RUNX1: variants seen among roughly 807,000 people sequenced by gnomAD.
The protein encoded by RUNX1 is runt-related transcription factor 1.
Under a neutral mutation model 42.8 loss-of-function variants are expected in RUNX1, and 19 were observed. The ratio of observed to expected loss-of-function variants is 0.44; its 90% CI spans 0.31 to 0.65. The LOEUF is 0.65. Among genes scored for constraint, RUNX1 ranks in the 30% least tolerant of loss-of-function variants. The pLI is 0.07. For missense variants in RUNX1, 528 were observed against 672.0 expected, an observed-to-expected ratio of 0.79 and a Z score of 2.37; for synonymous variants, 271 against 289.4, an observed-to-expected ratio of 0.94 and a Z score of 0.64.
At chr21:35,037,358 G>C (rs149820850) in intron 2 of RUNX1, among the ~76,000 whole-genome samples, 1 of 152,192 alleles carries the variant, frequency 6.6e-6, no homozygotes, top group Admixed American at 6.5e-5. Context: ...GGAGAAACAC[G>C]TGGGCAGGAG....
At chr21:34,988,998 C>CTCTCTA (rs1429651105) in intron 2 of RUNX1, among the ~76,000 whole-genome samples, 10 of 133,802 alleles carry the variant, frequency 7.5e-5, no homozygotes, top group African/African-American at 3.2e-4. Context: ...GCCCAGATCT[C>CTCTCTA]TCTCTCTCTC....
At chr21:34,849,269 ATATATATAT>A (rs2057360872) in intron 6 of RUNX1, among the ~76,000 whole-genome samples, 1 of 78,448 alleles carries the variant, frequency 1.3e-5, no homozygotes, top group Non-Finnish European at 2.3e-5. Context: ...TATATATATA[ATATATATAT>A]AATATATATT....
chr21:34,919,570 T>C (rs2058338337), intron 2 of RUNX1, among the ~76,000 whole-genome samples: 1 of 152,218 alleles, frequency 6.6e-6, no homozygotes, highest in Admixed American at 6.5e-5. Flanking sequence ...TAGTGGCTTA[T>C]TCTCACCACA....
Position 34,901,666 on chromosome 21 carries a change from C to G in RUNX1, c.59-8703G>C, listed in dbSNP as rs1030562219. ...TGGTGTGGGCCCTTCTCCACATGCT[C>G]TTTGGTTCCGTCAGCTACAGACAGA... On this transcript the variant is annotated intron_variant, in intron 2 of 8. Transcript: ENST00000675419. This position sits in a 1 kb window ranked among gnomAD's most constrained non-coding sequence, Gnocchi z 4.3. 2.0e-5 allele frequency among the ~76,000 whole-genome samples: 3 copies of G among 152,208 alleles called. No individual in the cohort carries two copies. Among genetic ancestry groups the G allele is most frequent in the African/African-American group, 7.2e-5 (3 of 41,446 alleles).
chr21:34,918,127 CAAAA>C (rs71324335), intron 2 of RUNX1, among the ~76,000 whole-genome samples: 3 of 71,254 alleles, frequency 4.2e-5, no homozygotes, highest in Admixed American at 1.5e-4. Context: ...GACTCTGTCT[CAAAA>C]AAAAAAAAAA....
chr21:35,038,462 G>A (rs899695280), intron 2 of RUNX1: 3 of 453,698 alleles, frequency 6.6e-6, no homozygotes, highest in African/African-American at 2.0e-5. Context: ...GGTGAGCAGA[G>A]ACATGACAGC....
chr21:34,960,279 G>A (rs1472559866), intron 2 of RUNX1, among the ~76,000 whole-genome samples: 1 of 152,212 alleles, frequency 6.6e-6, no homozygotes. Flanking sequence ...ATAGGTGGAA[G>A]CTGGCTTGTG....
intron 2 of RUNX1, among the ~76,000 whole-genome samples, chr21:34,930,524 G>C (rs2058435277): frequency 6.6e-6 from 1 of 151,828 alleles, no homozygotes; most frequent in Non-Finnish European, 1.5e-5. Context: ...GGCAAGAGGG[G>C]ACATGTGCTC....
In RUNX1 at chr21:34,970,799, A is replaced by C. The variant is rs200456382; in HGVS notation, c.59-77836T>G. Reference sequence around the variant, plus strand: ...CATGGCCTTATGTAGCAAGAGGTTAACAGTTGGTCAATCTGGGTGAAGAGT... The same window carrying C: ...CATGGCCTTATGTAGCAAGAGGTTACCAGTTGGTCAATCTGGGTGAAGAGT... On this transcript the variant is annotated intron_variant, in intron 2 of 8. Transcript: ENST00000675419. 3.3e-5 allele frequency among the ~76,000 whole-genome samples: 5 copies of C among 152,210 alleles called. No homozygotes were observed. The East Asian group carries it at 9.6e-4, about 29-fold the overall frequency.
chr21:34,861,515 T>C (rs1285442447), intron 5 of RUNX1, among the ~76,000 whole-genome samples: 1 of 152,170 alleles, frequency 6.6e-6, no homozygotes, highest in Non-Finnish European at 1.5e-5. Context: ...CCATGAAGGT[T>C]ATCACCTGTA....
chr21:34,965,199 C>T (rs1451648278), intron 2 of RUNX1, among the ~76,000 whole-genome samples: 1 of 59,696 alleles, frequency 1.7e-5, no homozygotes, highest in South Asian at 5.4e-4. Context: ...TGCTCCCGCA[C>T]GTGCACACAC....
At chr21:34,972,989 T>C (rs1229644621) in intron 2 of RUNX1, among the ~76,000 whole-genome samples, 1 of 152,218 alleles carries the variant, frequency 6.6e-6, no homozygotes, top group African/African-American at 2.4e-5. Context: ...TAGACTGACA[T>C]TTCTGGAGAA....
intron 2 of RUNX1, among the ~76,000 whole-genome samples, chr21:35,044,104 T>TAAA (rs2059379876): frequency 6.6e-6 from 1 of 152,226 alleles, no homozygotes; most frequent in East Asian, 1.9e-4. Context: ...GCTCTCGTTC[T>TAAA]TTTTCCACAA....
chr21:34,939,339 G>A (rs2058509623), intron 2 of RUNX1, among the ~76,000 whole-genome samples: 1 of 152,208 alleles, frequency 6.6e-6, no homozygotes, highest in Admixed American at 6.5e-5. Flanking sequence ...GGTCATGTCT[G>A]CTGGGCTGCC....
In RUNX1 at chr21:35,007,074, AC is replaced by A. The variant is rs2059090404; in HGVS notation, c.58+41767del. On this transcript the variant is annotated intron_variant, in intron 2 of 8. Transcript: ENST00000675419. ...GAGACAGCTCGAAAGTGTAACCTGC[AC>A]ACCAGATCTCAAAGACTCGGGAAAG... Among the ~76,000 whole-genome samples the A allele has an allele frequency of 1.3e-5, 2 of 152,238 alleles. 1 individual carries two copies. The highest frequency in any genetic ancestry group is 4.1e-4 in the South Asian group (2 of 4,836).
At chr21:35,010,568 G>T (rs2059118390) in intron 2 of RUNX1, among the ~76,000 whole-genome samples, 1 of 151,624 alleles carries the variant, frequency 6.6e-6, no homozygotes, top group South Asian at 2.1e-4. Flanking sequence ...TTTGTTAAAT[G>T]AATCAACAGG....
At chr21:34,801,120 ATATACT>A (rs1392740350) in intron 7 of RUNX1, among the ~76,000 whole-genome samples, 2 of 152,042 alleles carry the variant, frequency 1.3e-5, no homozygotes, top group Non-Finnish European at 2.9e-5. Flanking sequence ...AAAAAAAATC[ATATACT>A]TAGATATTTT....
intron 5 of RUNX1, among the ~76,000 whole-genome samples, chr21:34,878,466 C>T (rs1168606063): frequency 1.3e-5 from 2 of 151,518 alleles, no homozygotes; most frequent in African/African-American, 2.4e-5. Context: ...TTAGGGTTTC[C>T]GTATTTTTTA....
chr21:35,023,960 G>A (rs1281544543), intron 2 of RUNX1, among the ~76,000 whole-genome samples: 2 of 149,260 alleles, frequency 1.3e-5, no homozygotes, highest in Non-Finnish European at 3.0e-5. Flanking sequence ...TATTTATATA[G>A]TTTACATATA....
Sources: gnomAD v4.1 joint callset for allele counts (sites outside exome capture counted in the v4.1 genomes callset) on GRCh38, gnomAD v4.1.1 for gene constraint, Gnocchi (gnomAD v3.1) non-coding constraint, MANE v1.5 for transcripts, NCBI Gene and HGNC (gene_info 2026-07-23, HGNC 2026-07-21) for gene names.